Variants in PDZD2 observed in about 807,000 individuals in gnomAD.
PDZD2 encodes the protein PDZ domain containing 2, also known as PDZ domain-containing protein 2.
Under a neutral mutation model 220.7 loss-of-function variants are expected in PDZD2, and 90 were observed. The observed-to-expected ratio is 0.41, with a 90% CI of 0.34 to 0.49. The LOEUF is 0.49. Ranked by LOEUF, PDZD2 falls within the 20% of genes least tolerant of loss-of-function variation. The probability of loss-of-function intolerance (pLI) is 0.28; values close to 1 mark genes in which losing one functional copy is unlikely to be tolerated. For missense variants in PDZD2, 3,174 were observed against 3,608.5 expected (o/e 0.88, Z 3.08); for synonymous variants, 1,375 against 1,450.5 (o/e 0.95, Z 1.18).
intron 2 of PDZD2, among the ~76,000 whole-genome samples, chr5:31,926,539 A>G (rs1260659022): frequency 9.9e-5 from 15 of 151,570 alleles, no homozygotes; most frequent in African/African-American, 3.6e-4. Context: ...AAAAAAAAAA[A>G]AAAAAAGAAA....
intron 2 of PDZD2, among the ~76,000 whole-genome samples, chr5:31,955,314 TTTTC>T (rs1747564621): frequency 6.6e-6 from 1 of 151,996 alleles, no homozygotes; most frequent in Admixed American, 6.6e-5. Flanking sequence ...TTGTTTTGTT[TTTTC>T]GAGACGAAGT....
chr5:32,100,197 T>C (rs2111673392), intron 23 of PDZD2: 1 of 154,364 alleles, frequency 6.5e-6, no homozygotes, highest in East Asian at 1.9e-4. Flanking sequence ...AGTGGCCTTC[T>C]TTAAACCACG....
intron 2 of PDZD2, among the ~76,000 whole-genome samples, chr5:31,974,145 T>C (rs1329457404): frequency 6.6e-6 from 1 of 152,180 alleles, no homozygotes; most frequent in African/African-American, 2.4e-5. Context: ...CACGCCCAGC[T>C]AATTTTTGTA....
chr5:31,791,220 T>A (rs1413834120), intron 1 of PDZD2, among the ~76,000 whole-genome samples: 1 of 152,154 alleles, frequency 6.6e-6, no homozygotes, highest in Non-Finnish European at 1.5e-5. Flanking sequence ...AAGAGGGCCT[T>A]TCTAAGCAAA....
intron 2 of PDZD2, among the ~76,000 whole-genome samples, chr5:31,875,996 T>G (rs1292109790): frequency 6.6e-6 from 1 of 152,124 alleles, no homozygotes; most frequent in Non-Finnish European, 1.5e-5. Context: ...TTCCTAAAAA[T>G]TCTTGTTGAG....
At chr5:31,861,700 C>G (rs573511466) in intron 2 of PDZD2, among the ~76,000 whole-genome samples, 1 of 152,146 alleles carries the variant, frequency 6.6e-6, no homozygotes, top group Admixed American at 6.5e-5. Context: ...TTTTCACTCC[C>G]TCCTAGGACT....
intron 3 of PDZD2, among the ~76,000 whole-genome samples, chr5:31,989,425 T>TTTTTTTTTTTTTTTTTTTATTTATTTA (rs1554020127): frequency 2.1e-5 from 3 of 145,892 alleles, no homozygotes; most frequent in African/African-American, 5.2e-5. Flanking sequence ...TCTTTTCTTT[T>TTTTTTTTTTTTTTTTTTTATTTATTTA]TTTTTTTTTT....
chr5:31,777,065 C>A (rs1031266347), intron 1 of PDZD2, among the ~76,000 whole-genome samples: 4 of 152,180 alleles, frequency 2.6e-5, no homozygotes, highest in African/African-American at 9.7e-5. Context: ...CTGGCCGAGC[C>A]TGGAGCCGGC....
At chr5:31,823,910 C>T (rs538233660) in intron 2 of PDZD2, among the ~76,000 whole-genome samples, 5 of 152,178 alleles carry the variant, frequency 3.3e-5, no homozygotes, top group African/African-American at 4.8e-5. Context: ...ATGTGTAAGG[C>T]GAAGGGGCTT....
At chr5:32,095,411 G>C (rs974560570) in intron 21 of PDZD2, among the ~76,000 whole-genome samples, 7 of 152,154 alleles carry the variant, frequency 4.6e-5, no homozygotes, top group Admixed American at 1.3e-4. Context: ...CAATGAGTAT[G>C]GTTTGCAGGT....
intron 2 of PDZD2, among the ~76,000 whole-genome samples, chr5:31,944,958 A>T (rs190550727): frequency 1.3e-3 from 198 of 152,334 alleles, no homozygotes; most frequent in Middle Eastern, 3.4e-3. Context: ...ATGTGTGCGG[A>T]CCAGATGCTC....
intron 2 of PDZD2, among the ~76,000 whole-genome samples, chr5:31,933,103 G>T (rs1196055866): frequency 6.6e-6 from 1 of 152,004 alleles, no homozygotes; most frequent in Non-Finnish European, 1.5e-5. Flanking sequence ...TAGAGACGGG[G>T]TTTCACCATG....
intron 1 of PDZD2, among the ~76,000 whole-genome samples, chr5:31,771,157 A>G (rs1218808253): frequency 6.6e-6 from 1 of 152,246 alleles, no homozygotes; most frequent in African/African-American, 2.4e-5. Flanking sequence ...GACAACAGAT[A>G]TAGTTCTGCT....
intron 8 of PDZD2, among the ~76,000 whole-genome samples, chr5:32,049,218 C>T (rs376567964): frequency 1.3e-5 from 2 of 152,160 alleles, no homozygotes; most frequent in African/African-American, 2.4e-5. Context: ...GTCTGAGATC[C>T]GGACTCCACA....
intron 1 of PDZD2, among the ~76,000 whole-genome samples, chr5:31,695,884 T>A (rs969614358): frequency 2.0e-5 from 3 of 152,194 alleles, no homozygotes; most frequent in Admixed American, 2.0e-4. Flanking sequence ...TCTGAAGACA[T>A]GGCGAGGGAG....
chr5:32,041,899 AAAAG>A (rs1334754246), intron 7 of PDZD2, among the ~76,000 whole-genome samples: 1 of 127,706 alleles, frequency 7.8e-6, no homozygotes, highest in African/African-American at 2.8e-5. Flanking sequence ...ATAAATTTGA[AAAAG>A]AAAGCAAAAA....
At chr5:31,945,544 G>A (rs916242947) in intron 2 of PDZD2, among the ~76,000 whole-genome samples, 4 of 152,112 alleles carry the variant, frequency 2.6e-5, no homozygotes, top group African/African-American at 9.7e-5. Flanking sequence ...CAGCGTCCCC[G>A]TTAATGTAGA....
intron 7 of PDZD2, among the ~76,000 whole-genome samples, chr5:32,041,191 C>T (rs1228369049): frequency 6.8e-6 from 1 of 147,980 alleles, no homozygotes; most frequent in African/African-American, 2.5e-5. Context: ...AGCGCCTCTG[C>T]CCGGCCGCCC....
intron 1 of PDZD2, among the ~76,000 whole-genome samples, chr5:31,660,921 A>T (rs1041976581): frequency 5.3e-5 from 8 of 151,938 alleles, no homozygotes; most frequent in African/African-American, 1.9e-4. Flanking sequence ...TTTTGTGGAG[A>T]TGGGGTCTTG....
Sources: gnomAD v4.1 joint callset for allele counts (sites outside exome capture counted in the v4.1 genomes callset) on GRCh38, gnomAD v4.1.1 for gene constraint, MANE v1.5 for transcripts, NCBI Gene and HGNC (gene_info 2026-07-23, HGNC 2026-07-21) for gene names.